Variants in PPP6R2 observed in about 807,000 individuals in gnomAD.
The protein encoded by PPP6R2 is protein phosphatase 6 regulatory subunit 2.
PPP6R2 carries 62 observed loss-of-function variants against 100.2 expected under a neutral mutation model. That is an observed-to-expected ratio of 0.62 (90% CI 0.50 to 0.76). The LOEUF is 0.76. Among genes scored for constraint, PPP6R2 ranks in the 30% least tolerant of loss-of-function variants. The pLI is 0.00. For missense variants in PPP6R2, 1,142 were observed against 1,276.3 expected (o/e 0.89, Z 1.60); for synonymous variants, 525 against 514.7 (o/e 1.02, Z -0.27).
rs1400985196 is a variant in PPP6R2, at chr22:50,376,729, G to A, written c.-17+4579G>A. 4.6e-5 allele frequency among the ~76,000 whole-genome samples: 7 copies of A among 152,050 alleles called. No individual in the cohort carries two copies. The East Asian group carries it at 1.4e-3, about 29-fold the overall frequency. On this transcript the variant is annotated intron_variant, in intron 2 of 23. Coordinates refer to ENST00000612753, the MANE Select transcript of PPP6R2 (RefSeq NM_001242898.2). Reference sequence around the variant, plus strand: ...GTGATCTAGCATGCTGGCTGAGTGTGCTTCTTATTTTTAAAGAAATAAATA... The same window carrying A: ...GTGATCTAGCATGCTGGCTGAGTGTACTTCTTATTTTTAAAGAAATAAATA...
At position 50,431,505 on chromosome 22, in the gene PPP6R2, G is replaced by C. The variant is rs1009628894; in HGVS notation, c.1335+123G>C. The C allele has an allele frequency of 1.3e-5, 11 of 858,768 alleles. No individual in the cohort carries two copies. In the African/African-American group the frequency reaches 1.9e-4, roughly 15 times the overall value. The allele number at this position is 858,768 out of a possible 1,614,324, so 53.2% of individuals were successfully genotyped here. ...TGACACGGGGGCAGGGCTTTGAAAAGGGTCCCCAGGTGTCTGGTCAGACGC... is the reference window on the plus strand; with the variant it reads ...TGACACGGGGGCAGGGCTTTGAAAACGGTCCCCAGGTGTCTGGTCAGACGC... On this transcript the variant is annotated intron_variant, in intron 11 of 23. Coordinates refer to ENST00000612753, the MANE Select transcript of PPP6R2 (RefSeq NM_001242898.2). This position sits in a 1 kb window ranked among gnomAD's most constrained non-coding sequence, Gnocchi z 4.8.
chr22:50,413,314 G>A (rs1386486023), intron 4 of PPP6R2, among the ~76,000 whole-genome samples: 1 of 152,092 alleles, frequency 6.6e-6, no homozygotes, highest in Non-Finnish European at 1.5e-5. Flanking sequence ...ACAAAAACTG[G>A]CATAAAATTG....
chr22:50,414,460 C>G (rs1000805639), intron 4 of PPP6R2, 92 bp from the exon 5 acceptor site: 1 of 1,390,958 alleles, frequency 7.2e-7, no homozygotes, highest in Admixed American at 1.9e-5. Flanking sequence ...AATATAATTA[C>G]TAGTTCAACT....
At chr22:50,400,694 C>CA (rs2149033226) in intron 3 of PPP6R2, among the ~76,000 whole-genome samples, 1 of 152,228 alleles carries the variant, frequency 6.6e-6, no homozygotes, top group East Asian at 1.9e-4. Context: ...TAGGTAAGTA[C>CA]AAAATCAAGC....
chr22:50,392,693 AAGC>A (rs1245477536), intron 2 of PPP6R2, among the ~76,000 whole-genome samples: 16 of 152,320 alleles, frequency 1.1e-4, no homozygotes, highest in African/African-American at 3.8e-4. Flanking sequence ...ATGCTGTAGA[AAGC>A]AGCCAGGTAG....
chr22:50,337,358 GGT>G, the PPP6R2 span, among the ~76,000 whole-genome samples: 3 of 132,982 alleles, frequency 2.3e-5, no homozygotes, highest in Middle Eastern at 4.8e-3. Context: ...GTGGTGTGTG[GGT>G]GTGTGTGTGC....
At chr22:50,387,103 G>A (rs747934525) in intron 2 of PPP6R2, among the ~76,000 whole-genome samples, 3 of 152,044 alleles carry the variant, frequency 2.0e-5, no homozygotes, top group Non-Finnish European at 4.4e-5. Context: ...CTCTATCACC[G>A]AGGCTGGAGT....
At chr22:50,339,424 G>C (rs1339199773), upstream of PPP6R2, among the ~76,000 whole-genome samples, 1 of 141,052 alleles carries the variant, frequency 7.1e-6, no homozygotes, top group African/African-American at 2.7e-5. Flanking sequence ...TAGGGTGTGT[G>C]GTGTGTGTTT....
the PPP6R2 span, among the ~76,000 whole-genome samples, chr22:50,338,171 AGGT>A: frequency 0.034 from 2,491 of 74,066 alleles, 26 homozygotes; most frequent in East Asian, 0.059. Context: ...GCGATGTGTG[AGGT>A]GTGTGTGTGC....
rs201926227 is a variant in PPP6R2 at position 50,444,185 on chromosome 22, C to T, written c.2832-14C>T. ...CGCAGCCCGCACGGTTCCAACCCCACCCCATTCCTGCAGGAAGACAGATGC... is the reference window on the plus strand; with the variant it reads ...CGCAGCCCGCACGGTTCCAACCCCATCCCATTCCTGCAGGAAGACAGATGC... On this transcript the variant is annotated splice_polypyrimidine_tract_variant and intron_variant, in intron 23 of 23. Coordinates refer to ENST00000612753, the MANE Select transcript of PPP6R2 (RefSeq NM_001242898.2). 6.2e-7 allele frequency: 1 copy of T among 1,612,814 alleles called. No homozygotes were observed. Among genetic ancestry groups the T allele is most frequent in the Non-Finnish European group, 8.5e-7 (1 of 1,179,670 alleles).
At position 50,401,401 on chromosome 22, in the gene PPP6R2, A is replaced by G. The variant is rs191790675; in HGVS notation, c.228-5288A>G. ...TTTTATATTTTTTAGTAGAGACGGG[A>G]TTTCACCGTGTTAGCCAGGATGGTC... On this transcript the variant is annotated intron_variant, in intron 3 of 23. Transcript: ENST00000612753. 1.7e-3 allele frequency among the ~76,000 whole-genome samples: 246 copies of G among 148,904 alleles called. 3 individuals carry two copies. In the East Asian group the frequency reaches 0.04, roughly 24 times the overall value.
intron 15 of PPP6R2, 82 bp from the exon 16 acceptor site, chr22:50,437,424 G>T: frequency 1.0e-6 from 1 of 962,166 alleles, no homozygotes; most frequent in Non-Finnish European, 1.6e-6. Context: ...AGAGATTGTG[G>T]TTCCCAAAGA....
At chr22:50,419,714 C>T (rs533904025) in intron 8 of PPP6R2, among the ~76,000 whole-genome samples, 202 of 152,328 alleles carry the variant, frequency 1.3e-3, no homozygotes, top group Admixed American at 9.8e-4. Flanking sequence ...ATGCATTTGT[C>T]GATGTGCGTG....
At chr22:50,422,081 C>T (rs1030263928) in intron 8 of PPP6R2, among the ~76,000 whole-genome samples, 173 bp from the exon 9 acceptor site, 1 of 152,058 alleles carries the variant, frequency 6.6e-6, no homozygotes, top group Non-Finnish European at 1.5e-5. Context: ...TCTCTTCTGC[C>T]TGTACCAGTC....
At chr22:50,388,175 G>T (rs2054634730) in intron 2 of PPP6R2, among the ~76,000 whole-genome samples, 1 of 147,034 alleles carries the variant, frequency 6.8e-6, no homozygotes, top group African/African-American at 2.5e-5. Flanking sequence ...ATTTTTTTAG[G>T]ATTAAAAAAA....
intron 10 of PPP6R2, among the ~76,000 whole-genome samples, chr22:50,427,776 A>G (rs754550863): frequency 6.6e-6 from 1 of 152,146 alleles, no homozygotes; most frequent in Non-Finnish European, 1.5e-5. Context: ...GCTGGAGTGC[A>G]GTGGCGCGAT....
chr22:50,391,646 C>T (rs1330400052), intron 2 of PPP6R2, among the ~76,000 whole-genome samples: 2 of 150,986 alleles, frequency 1.3e-5, no homozygotes, highest in African/African-American at 4.9e-5. Flanking sequence ...ATTGAAATGA[C>T]TATTTGCATT....
At chr22:50,412,424 C>A (rs902846753) in intron 4 of PPP6R2, among the ~76,000 whole-genome samples, 1 of 151,820 alleles carries the variant, frequency 6.6e-6, no homozygotes, top group Non-Finnish European at 1.5e-5. Context: ...TCAAGTGATC[C>A]GCCTGCCTTG....
chr22:50,339,914 GGT>G (rs376674729), upstream of PPP6R2, among the ~76,000 whole-genome samples: 22,214 of 114,152 alleles, frequency 0.19, 2,337 homozygotes, highest in South Asian at 0.34. Context: ...TGTGGTATGT[GGT>G]GTGTGTGTGG....
Sources: allele counts gnomAD v4.1 joint callset (sites outside exome capture counted in the v4.1 genomes callset), GRCh38; gene constraint gnomAD v4.1.1; non-coding constraint Gnocchi (gnomAD v3.1); transcripts MANE v1.5; gene names NCBI Gene and HGNC (gene_info 2026-07-23, HGNC 2026-07-21).